The following ATP8A2 variants were observed in gnomAD, a reference collection of about 807,000 sequenced individuals.
The protein encoded by ATP8A2 is ATPase phospholipid transporting 8A2.
A neutral mutation model predicts 165.6 loss-of-function variants in ATP8A2; 100 were observed. That is an observed-to-expected ratio of 0.60 (90% CI 0.51 to 0.71). ATP8A2 has a LOEUF of 0.71. ATP8A2 is among the 30% of genes least tolerant of loss of function. ATP8A2 has a pLI of 0.00. For missense variants in ATP8A2, 1,227 were observed against 1,479.5 expected, an observed-to-expected ratio of 0.83 and a Z score of 2.80; for synonymous variants, 543 against 548.8, an observed-to-expected ratio of 0.99 and a Z score of 0.15.
At chr13:25,984,825 GCAGAAACAAA>G (rs1330779043) in intron 35 of ATP8A2, among the ~76,000 whole-genome samples, 7 of 152,050 alleles carry the variant, frequency 4.6e-5, no homozygotes, top group Non-Finnish European at 8.8e-5. Context: ...GCATGATCAC[GCAGAAACAAA>G]CAGAAACAAA....
chr13:25,757,172 T>C (rs750310770), intron 25 of ATP8A2, among the ~76,000 whole-genome samples: 1 of 152,182 alleles, frequency 6.6e-6, no homozygotes, highest in African/African-American at 2.4e-5. Context: ...TCATGAAGGC[T>C]TTTCCTCACA....
At chr13:26,004,476 T>C (rs1377531646) in intron 35 of ATP8A2, among the ~76,000 whole-genome samples, 1 of 152,106 alleles carries the variant, frequency 6.6e-6, no homozygotes, top group East Asian at 1.9e-4. Flanking sequence ...TTTGCTTTTT[T>C]CTTTCCTATC....
At chr13:25,824,843 G>A (rs905229205) in intron 27 of ATP8A2, among the ~76,000 whole-genome samples, 8 of 152,038 alleles carry the variant, frequency 5.3e-5, no homozygotes, top group African/African-American at 1.9e-4. Context: ...AAAGCATATT[G>A]CCCTTCAGCT....
intron 35 of ATP8A2, among the ~76,000 whole-genome samples, chr13:25,985,512 C>A (rs1198224871): frequency 1.3e-5 from 2 of 152,180 alleles, no homozygotes; most frequent in Non-Finnish European, 2.9e-5. Flanking sequence ...TAGAGAAGCA[C>A]CTAGCTTGTT....
At position 25,425,537 on chromosome 13, in the gene ATP8A2, T is replaced by C. The variant is rs185474424; in HGVS notation, c.77-43440T>C. ...TAGTACTTGCAAGACGTCATAAATT[T>C]GAAATCATACAGTATGCAGCCTTTT... On this transcript the variant is annotated intron_variant, in intron 1 of 36. Transcript: ENST00000381655. Among the ~76,000 whole-genome samples, 72 of 116,006 alleles carry C rather than the reference T, an allele frequency of 6.2e-4. 3 individuals carry two copies. The highest frequency in any genetic ancestry group is 2.0e-3 in the African/African-American group (72 of 36,838). The allele number at this position is 116,006 out of a possible 152,430, so 76.1% of individuals were successfully genotyped here. A position where few individuals can be genotyped will look rare whatever the true frequency, so the allele number is the denominator to read the frequency against.
At chr13:25,544,487 C>CA (rs2038581633) in intron 10 of ATP8A2, among the ~76,000 whole-genome samples, 1 of 152,054 alleles carries the variant, frequency 6.6e-6, no homozygotes, top group Admixed American at 6.5e-5. Context: ...AGCTAGTAAA[C>CA]ACATTGGAGA....
chr13:25,860,213 G>A lies in ATP8A2; in HGVS notation c.2975G>A (p.Gly992Asp). The change falls in exon 31 of 37, where the codon GGT becomes GAT. Residue 992 changes from glycine to aspartate, a missense_variant. Transcript: ENST00000381655. Reference protein sequence around the residue: ...ALEHDTVLTSGHATDYLFVGN... With the variant: ...ALEHDTVLTSDHATDYLFVGN... ...TTTTCAGATACTGTGTTGACAAGTG[G>A]TCATGCTACCGACTATTTATTTGTT... 1 of 1,612,118 alleles carries A rather than the reference G, an allele frequency of 6.2e-7. No individual in the cohort carries two copies. The highest frequency in any genetic ancestry group is 8.5e-7 in the Non-Finnish European group (1 of 1,178,522).
rs188546161 is a variant in ATP8A2 at position 25,381,754 on chromosome 13, C to T, written c.76+9466C>T. ...TCAGTGGAGATCTTGGCCTTCTACGCGTGGGTATAGAGTGTGGCTGAAGAG... is the reference window on the plus strand; with the variant it reads ...TCAGTGGAGATCTTGGCCTTCTACGTGTGGGTATAGAGTGTGGCTGAAGAG... On this transcript the variant is annotated intron_variant, in intron 1 of 36. Transcript: ENST00000381655. Among the ~76,000 whole-genome samples the T allele has an allele frequency of 1.3e-3, 202 of 151,122 alleles. 1 individual carries two copies. The highest frequency in any genetic ancestry group is 4.6e-3 in the African/African-American group (187 of 41,088).
rs774067277 is a variant in ATP8A2 at position 25,571,674 on chromosome 13, C to T, written c.1644C>T (p.Phe548=). Residue 548 remains phenylalanine, a synonymous_variant, in exon 18 of 37, where the codon TTC becomes TTT. Coordinates refer to ENST00000381655, the MANE Select transcript of ATP8A2 (RefSeq NM_016529.6). ...TTGTCTTCACAGCCAGAACACCATT[C>T]TCAGTCATCATAGAAGCGGTGAGTA... The part of the protein sequence containing the change: ...LGFVFTARTP[F]SVIIEAMGQE... The T allele has an allele frequency of 1.1e-5, 18 of 1,613,934 alleles. No homozygotes were observed. The East Asian group carries it at 4.0e-4, about 36-fold the overall frequency.
intron 1 of ATP8A2, among the ~76,000 whole-genome samples, chr13:25,434,212 C>T (rs1199262417): frequency 1.3e-5 from 2 of 152,194 alleles, no homozygotes; most frequent in African/African-American, 2.4e-5. Context: ...CGCTGAGGCT[C>T]TTGGTGCCTG....
At position 25,828,035 on chromosome 13, in the gene ATP8A2, C is replaced by A; in HGVS notation, c.2680-83C>A. 3 of 1,084,002 alleles carry A rather than the reference C, an allele frequency of 2.8e-6. No homozygotes were observed. The South Asian group carries it at 3.8e-5, about 14-fold the overall frequency. The allele number at this position is 1,084,002 out of a possible 1,614,324, so 67.1% of individuals were successfully genotyped here. On this transcript the variant is annotated intron_variant, in intron 27 of 36. Transcript: ENST00000381655. Reference sequence around the variant, plus strand: ...TTAGCAGCTGTGTCCAGCTGGTGGTCCACATTCCCGCTACTTCTTCAGTGA... The same window carrying A: ...TTAGCAGCTGTGTCCAGCTGGTGGTACACATTCCCGCTACTTCTTCAGTGA...
At chr13:25,613,603 C>T (rs769534967) in intron 24 of ATP8A2, among the ~76,000 whole-genome samples, 9 of 151,964 alleles carry the variant, frequency 5.9e-5, no homozygotes, top group Non-Finnish European at 8.8e-5. Flanking sequence ...CAAACAAACA[C>T]AAAAAAAGAA....
At chr13:25,582,124 C>T (rs6491071) in intron 23 of ATP8A2, among the ~76,000 whole-genome samples, 167 bp downstream of exon 23, 91,072 of 151,992 alleles carry the variant, frequency 0.6, 28,910 homozygotes, top group Middle Eastern at 0.71. Context: ...GAAGATGCCT[C>T]CATGCCTGTT....
intron 25 of ATP8A2, among the ~76,000 whole-genome samples, chr13:25,702,477 G>A (rs1435456059): frequency 6.6e-6 from 1 of 152,170 alleles, no homozygotes; most frequent in Non-Finnish European, 1.5e-5. Context: ...AATTTACTTT[G>A]TATCTGGCAG....
intron 2 of ATP8A2, among the ~76,000 whole-genome samples, chr13:25,501,457 G>A (rs761320601): frequency 4.6e-5 from 7 of 152,190 alleles, no homozygotes; most frequent in Non-Finnish European, 1.0e-4. Context: ...ATGAGTGAGA[G>A]TTTCCTAAGG....
intron 24 of ATP8A2, among the ~76,000 whole-genome samples, chr13:25,617,487 T>C (rs2040856115): frequency 6.6e-6 from 1 of 152,210 alleles, no homozygotes; most frequent in South Asian, 2.1e-4. Context: ...AATGAGAGGA[T>C]AGTTTTGTGA....
intron 6 of ATP8A2, among the ~76,000 whole-genome samples, chr13:25,536,813 A>G (rs1445990586): frequency 1.3e-5 from 2 of 152,294 alleles, no homozygotes; most frequent in South Asian, 2.1e-4. Context: ...CCTTTCAGTT[A>G]TGCTCCCACT....
At chr13:25,405,717 G>T (rs1191376501) in intron 1 of ATP8A2, among the ~76,000 whole-genome samples, 1 of 152,114 alleles carries the variant, frequency 6.6e-6, no homozygotes, top group Non-Finnish European at 1.5e-5. Context: ...CAAAATCCTA[G>T]ATATCATGTA....
At chr13:25,539,164 A>T (rs545579993) in intron 7 of ATP8A2, among the ~76,000 whole-genome samples, 16 of 151,728 alleles carry the variant, frequency 1.1e-4, no homozygotes, top group African/African-American at 3.6e-4. Flanking sequence ...TGGCTCAATC[A>T]TAGCTCACTG....
Sources: gnomAD v4.1 joint callset for allele counts (sites outside exome capture counted in the v4.1 genomes callset) on GRCh38, gnomAD v4.1.1 for gene constraint, MANE v1.5 for transcripts, NCBI Gene and HGNC (gene_info 2026-07-23, HGNC 2026-07-21) for gene names.